CSMD1: variants seen among roughly 807,000 people sequenced by gnomAD.
The protein encoded by CSMD1 is CUB and sushi domain-containing protein 1.
In CSMD1, 213 loss-of-function variants were observed where a neutral mutation model predicts 417.5. The ratio of observed to expected loss-of-function variants is 0.51; its 90% CI spans 0.46 to 0.57. The LOEUF is 0.57. Ranked by LOEUF, CSMD1 falls within the 20% of genes least tolerant of loss-of-function variation. CSMD1 has a pLI of 0.00. For missense variants in CSMD1, 6,923 were observed against 4,529.7 expected (o/e 1.53, Z -15.17); for synonymous variants, 2,862 against 1,736.8 (o/e 1.65, Z -16.11).
chr8:3,128,950 C>T (rs1364523747), intron 41 of CSMD1: 1 of 423,992 alleles, frequency 2.4e-6, no homozygotes, highest in Non-Finnish European at 4.6e-6. Flanking sequence ...CTCACAAATC[C>T]TTTAAAAGCT....
chr8:4,988,633 G>A (rs543418552), intron 1 of CSMD1, among the ~76,000 whole-genome samples: 10 of 152,154 alleles, frequency 6.6e-5, no homozygotes, highest in Non-Finnish European at 1.2e-4. Context: ...CCTAATGGAT[G>A]ACAAAATCTC....
At chr8:4,961,741 CACA>C (rs1336696626) in intron 1 of CSMD1, among the ~76,000 whole-genome samples, 1 of 151,984 alleles carries the variant, frequency 6.6e-6, no homozygotes, top group East Asian at 1.9e-4. Flanking sequence ...TTCTGAGTTT[CACA>C]ACATTTTCAA....
intron 5 of CSMD1, among the ~76,000 whole-genome samples, chr8:3,924,762 G>A (rs797019778): frequency 3.5e-5 from 5 of 141,624 alleles, no homozygotes; most frequent in African/African-American, 1.2e-4. Flanking sequence ...TTCATATCTT[G>A]TTTTTCTGGT....
chr8:3,446,507 C>A (rs1344638436), intron 12 of CSMD1, among the ~76,000 whole-genome samples: 1 of 152,182 alleles, frequency 6.6e-6, no homozygotes, highest in African/African-American at 2.4e-5. Flanking sequence ...AGTTCATGGT[C>A]ATGCTAGAAA....
At chr8:4,680,561 G>T (rs191339532) in intron 1 of CSMD1, among the ~76,000 whole-genome samples, 63 of 152,112 alleles carry the variant, frequency 4.1e-4, no homozygotes, top group African/African-American at 1.5e-3. Flanking sequence ...CTTGATAGGG[G>T]GCCACCACAT....
intron 7 of CSMD1, among the ~76,000 whole-genome samples, chr8:3,647,002 G>C (rs1391380909): frequency 6.6e-6 from 1 of 152,156 alleles, no homozygotes; most frequent in Non-Finnish European, 1.5e-5. Flanking sequence ...ACGCATTTTT[G>C]AAACATCTCA....
intron 3 of CSMD1, among the ~76,000 whole-genome samples, chr8:4,188,180 C>A (rs560492659): frequency 1.3e-5 from 2 of 152,162 alleles, no homozygotes; most frequent in East Asian, 1.9e-4. Context: ...ATTCTTCTAA[C>A]GATGATTTTG....
chr8:3,919,726 T>C (rs566244098), intron 5 of CSMD1, among the ~76,000 whole-genome samples: 1 of 152,154 alleles, frequency 6.6e-6, no homozygotes, highest in Non-Finnish European at 1.5e-5. Flanking sequence ...CTTTGCGTAG[T>C]ATGGACATTT....
intron 41 of CSMD1, among the ~76,000 whole-genome samples, chr8:3,120,039 G>C (rs1322823466): frequency 6.6e-6 from 1 of 152,110 alleles, no homozygotes; most frequent in African/African-American, 2.4e-5. Flanking sequence ...GACAATATTG[G>C]AGTGAGCCTG....
At chr8:4,789,543 T>G (rs1474164335) in intron 1 of CSMD1, among the ~76,000 whole-genome samples, 1 of 152,174 alleles carries the variant, frequency 6.6e-6, no homozygotes, top group Non-Finnish European at 1.5e-5. Context: ...CTACCTGGGA[T>G]CTACCACCAA....
At chr8:3,063,252 T>C (rs941892432) in intron 49 of CSMD1, among the ~76,000 whole-genome samples, 2 of 152,214 alleles carry the variant, frequency 1.3e-5, no homozygotes, top group Non-Finnish European at 2.9e-5. Flanking sequence ...GAAGCACATG[T>C]TGTCTCTGAT....
At chr8:3,652,067 C>A (rs3102097) in intron 7 of CSMD1, among the ~76,000 whole-genome samples, 132,988 of 146,708 alleles carry the variant, frequency 0.91, 60,278 homozygotes, top group African/African-American at 0.96. Context: ...CGCACTTACC[C>A]CCATCAGAGC....
chr8:3,756,690 T>C (rs1047755187), intron 5 of CSMD1, among the ~76,000 whole-genome samples: 14 of 152,232 alleles, frequency 9.2e-5, no homozygotes, highest in Admixed American at 3.3e-4. Flanking sequence ...ATGTACTTGC[T>C]AAACTTTTCA....
At chr8:4,336,883 G>A (rs549877150) in intron 3 of CSMD1, among the ~76,000 whole-genome samples, 22 of 152,106 alleles carry the variant, frequency 1.4e-4, no homozygotes, top group South Asian at 6.2e-4. Context: ...AAAAACATAC[G>A]GGAATGGGAT....
At chr8:3,844,914 T>TCAGAC (rs1181536117) in intron 5 of CSMD1, among the ~76,000 whole-genome samples, 3 of 135,020 alleles carry the variant, frequency 2.2e-5, no homozygotes, top group African/African-American at 1.1e-4. Flanking sequence ...TCTGTGCATT[T>TCAGAC]AAAAACTGCC....
At chr8:4,416,444 G>A (rs1030920928) in intron 3 of CSMD1, among the ~76,000 whole-genome samples, 1 of 151,964 alleles carries the variant, frequency 6.6e-6, no homozygotes, top group Non-Finnish European at 1.5e-5. Flanking sequence ...GAAAACATTT[G>A]AAATTATATT....
chr8:4,732,723 G>A (rs1007940021), intron 1 of CSMD1, among the ~76,000 whole-genome samples: 2 of 152,072 alleles, frequency 1.3e-5, no homozygotes, highest in African/African-American at 4.8e-5. Context: ...AGTTTACATC[G>A]TTTTTAACCC....
At chr8:4,412,522 T>A (rs534704822) in intron 3 of CSMD1, among the ~76,000 whole-genome samples, 17 of 152,234 alleles carry the variant, frequency 1.1e-4, no homozygotes, top group Non-Finnish European at 2.2e-4. Flanking sequence ...TACACCTATT[T>A]TATCGGAAAA....
chr8:4,716,473 G>C lies in CSMD1; in HGVS notation c.86-78915C>G, dbSNP rs188992957. Among the ~76,000 whole-genome samples the C allele has an allele frequency of 2.0e-5, 3 of 152,284 alleles. No individual in the cohort carries two copies. The East Asian group carries it at 5.8e-4, about 29-fold the overall frequency. On this transcript the variant is annotated intron_variant, in intron 1 of 69. Transcript: ENST00000635120. The stretch of plus-strand genomic sequence containing the variant: ...AAACAGAATTTTTCAGTTATTAATA[G>C]AAGGTTTTTAAAGTATTCATAATAC...
Sources: allele counts gnomAD v4.1 joint callset (sites outside exome capture counted in the v4.1 genomes callset), GRCh38; gene constraint gnomAD v4.1.1; transcripts MANE v1.5; gene names NCBI Gene and HGNC (gene_info 2026-07-23, HGNC 2026-07-21).